Variants in SVOP observed in about 807,000 individuals in gnomAD.
SVOP encodes synaptic vesicle 2-related protein.
SVOP carries 17 observed loss-of-function variants against 69.1 expected under a neutral mutation model. That is an observed-to-expected ratio of 0.25 (90% confidence interval 0.17 to 0.37). SVOP has a LOEUF of 0.37. Ranked by LOEUF, SVOP falls within the 10% of genes least tolerant of loss-of-function variation. The pLI is 1.00. For missense variants in SVOP, 435 were observed against 597.5 expected (o/e 0.73, Z 2.84); for synonymous variants, 238 against 238.6 (o/e 1.00, Z 0.02).
chr12:108,953,273 C>G (rs2039967552), intron 6 of SVOP, among the ~76,000 whole-genome samples: 1 of 151,276 alleles, frequency 6.6e-6, no homozygotes, highest in African/African-American at 2.4e-5. Context: ...CTCAGCCTCC[C>G]AAGTAGCTGG....
chr12:108,944,179 CT>C (rs36133433), intron 7 of SVOP, among the ~76,000 whole-genome samples: 3,339 of 142,956 alleles, frequency 0.023, 38 homozygotes, highest in South Asian at 0.026. Flanking sequence ...TGCGCCTGGC[CT>C]TTTTTTTTTT....
chr12:108,960,520 T>C (rs879532257), intron 6 of SVOP, among the ~76,000 whole-genome samples: 2 of 152,062 alleles, frequency 1.3e-5, no homozygotes, highest in Non-Finnish European at 2.9e-5. Flanking sequence ...GCTAAAAGCA[T>C]GGATATTGTA....
At chr12:108,921,368 C>G (rs575904705) in intron 12 of SVOP, among the ~76,000 whole-genome samples, 11 of 152,124 alleles carry the variant, frequency 7.2e-5, no homozygotes, top group African/African-American at 2.7e-4. Flanking sequence ...TTGGGTTTTC[C>G]CAGAAGCAAA....
At chr12:108,982,710 T>G (rs1243090061) in intron 2 of SVOP, among the ~76,000 whole-genome samples, 4 of 142,174 alleles carry the variant, frequency 2.8e-5, no homozygotes, top group Non-Finnish European at 6.2e-5. Context: ...ATCATCACTG[T>G]CACCATCATC....
chr12:108,934,077 A>G (rs2039840942), intron 11 of SVOP, 118 bp downstream of exon 11: 2 of 818,588 alleles, frequency 2.4e-6, no homozygotes. Flanking sequence ...TGGAAACCAC[A>G]GAAGTAGTAC....
intron 6 of SVOP, among the ~76,000 whole-genome samples, chr12:108,953,141 TTTTTTTTTTTTC>T (rs1057353921): frequency 7.1e-5 from 9 of 127,108 alleles, no homozygotes; most frequent in South Asian, 2.8e-4. Context: ...ATTGACTTTT[TTTTTTTTTTTTC>T]TTTTTTTTTT....
rs374969074 is a variant in SVOP, at chr12:108,999,076, G to A, written c.36-15315C>T. 4.0e-3 allele frequency among the ~76,000 whole-genome samples: 522 copies of A among 131,230 alleles called. 5 individuals are homozygous for A. Among genetic ancestry groups the A allele is most frequent in the African/African-American group, 0.015 (504 of 34,220 alleles). 86.1% of individuals were successfully genotyped at this position (131,230 alleles called of 152,430 possible). On this transcript the variant is annotated intron_variant, in intron 1 of 15. Transcript: ENST00000610966. ...TGTATTCAGGAAACCCATCTCACGT[G>A]CAGAGACACACATAGGCTCAAAATA...
intron 6 of SVOP, among the ~76,000 whole-genome samples, chr12:108,955,729 G>A (rs1235018392): frequency 6.6e-6 from 1 of 152,188 alleles, no homozygotes; most frequent in East Asian, 1.9e-4. Flanking sequence ...AATGACGCTT[G>A]AGCTTCTTGC....
chr12:108,921,969 A>C (rs1195525036), intron 12 of SVOP, among the ~76,000 whole-genome samples: 2 of 152,334 alleles, frequency 1.3e-5, no homozygotes, highest in East Asian at 3.9e-4. Context: ...CTCTTAAAAG[A>C]AAAAAAGATA....
At chr12:108,921,908 C>T (rs2039750197) in intron 12 of SVOP, among the ~76,000 whole-genome samples, 1 of 152,186 alleles carries the variant, frequency 6.6e-6, no homozygotes, top group South Asian at 2.1e-4. Context: ...CCTTGGCATA[C>T]AACAGGTACT....
intron 1 of SVOP, among the ~76,000 whole-genome samples, chr12:109,015,372 G>A (rs541977388): frequency 2.6e-5 from 4 of 152,250 alleles, no homozygotes; most frequent in Admixed American, 1.3e-4. Context: ...GGGAGGCAAG[G>A]GCAGGAGCGG....
chr12:108,948,150 A>G (rs562954980), intron 6 of SVOP, among the ~76,000 whole-genome samples: 28 of 152,280 alleles, frequency 1.8e-4, no homozygotes, highest in African/African-American at 6.5e-4. Context: ...CTGTGGAGCA[A>G]TGAACACTCC....
chr12:108,979,505 G>A (rs1300772083), intron 2 of SVOP, among the ~76,000 whole-genome samples: 1 of 152,114 alleles, frequency 6.6e-6, no homozygotes, highest in Non-Finnish European at 1.5e-5. Context: ...GCCCCTCAAA[G>A]TGTTAGGATT....
chr12:108,941,023 T>A, intron 7 of SVOP, 114 bp from the exon 8 acceptor site: 1 of 1,404,382 alleles, frequency 7.1e-7, no homozygotes, highest in Non-Finnish European at 9.5e-7. Flanking sequence ...TCGGAGTCAG[T>A]AAGGTTAGAA....
intron 1 of SVOP, among the ~76,000 whole-genome samples, chr12:108,996,294 A>G (rs576247592): frequency 6.6e-6 from 1 of 152,302 alleles, no homozygotes; most frequent in East Asian, 1.9e-4. Flanking sequence ...GCCGAGGCTC[A>G]TGCCTGTAGT....
intron 11 of SVOP, among the ~76,000 whole-genome samples, chr12:108,925,462 C>G (rs897459502): frequency 1.3e-5 from 2 of 152,208 alleles, no homozygotes; most frequent in Admixed American, 1.3e-4. Context: ...CTCCCCTGAC[C>G]TCTCCACCCA....
intron 14 of SVOP, 84 bp from the exon 15 acceptor site, chr12:108,915,956 A>C: frequency 1.6e-5 from 21 of 1,327,886 alleles, no homozygotes; most frequent in South Asian, 3.0e-5. Context: ...GACCAACCTC[A>C]GGGGCAGGCC....
chr12:109,003,313 C>T (rs1226529839), intron 1 of SVOP, among the ~76,000 whole-genome samples: 2 of 152,204 alleles, frequency 1.3e-5, no homozygotes, highest in East Asian at 1.9e-4. Flanking sequence ...TGGGCATCTA[C>T]TGCTCTTATT....
rs754991158 is a variant in SVOP, at chr12:108,912,522, C to G, written c.*13G>C. 3.7e-6 allele frequency: 6 copies of G among 1,613,630 alleles called. No individual in the cohort carries two copies. The highest frequency in any genetic ancestry group is 1.7e-5 in the Admixed American group (1 of 59,994). On this transcript the variant is annotated 3_prime_UTR_variant, in exon 16 of 16. Coordinates refer to ENST00000610966, the MANE Select transcript of SVOP (RefSeq NM_018711.5). ...CTGCAGCCTCAAAGACCAGCTCAGT[C>G]CCCCATCGGTCACTATTCCTGAGAG...
Sources: allele counts gnomAD v4.1 joint callset (sites outside exome capture counted in the v4.1 genomes callset), GRCh38; gene constraint gnomAD v4.1.1; transcripts MANE v1.5; gene names NCBI Gene and HGNC (gene_info 2026-07-23, HGNC 2026-07-21).